Variants in THSD4 observed in about 807,000 individuals in gnomAD.
THSD4 encodes thrombospondin type-1 domain-containing protein 4.
Under a neutral mutation model 119.0 loss-of-function variants are expected in THSD4, and 69 were observed. That is an observed-to-expected ratio of 0.58 (90% CI 0.48 to 0.71). The LOEUF (loss-of-function observed/expected upper bound fraction) is 0.71, where lower values mean the gene tolerates loss of function less well. THSD4 is among the 30% of genes least tolerant of loss of function. THSD4 has a pLI of 0.00. For synonymous variants in THSD4, 524 were observed against 540.4 expected, an observed-to-expected ratio of 0.97 and a Z score of 0.42; for missense variants, 1,393 against 1,391.1, an observed-to-expected ratio of 1.00 and a Z score of -0.02.
intron 6 of THSD4, among the ~76,000 whole-genome samples, chr15:71,333,484 A>G (rs1040977228): frequency 6.6e-6 from 1 of 152,122 alleles, no homozygotes; most frequent in African/African-American, 2.4e-5. Flanking sequence ...AACATACTCT[A>G]ATTTGGCTGA....
At chr15:71,681,104 A>G (rs545179777) in intron 8 of THSD4, among the ~76,000 whole-genome samples, 1 of 151,778 alleles carries the variant, frequency 6.6e-6, no homozygotes, top group South Asian at 2.1e-4. Context: ...TTTAGTAGAG[A>G]CAGTGTCACC....
At chr15:71,139,605 T>C (rs1466097985) in intron 1 of THSD4, among the ~76,000 whole-genome samples, 1 of 152,228 alleles carries the variant, frequency 6.6e-6, no homozygotes, top group Non-Finnish European at 1.5e-5. Flanking sequence ...TAGGGATGAT[T>C]ACAGTTAAGA....
At chr15:71,745,001 T>G (rs957941448) in intron 11 of THSD4, 105 bp from the exon 12 acceptor site, 34 of 1,442,140 alleles carry the variant, frequency 2.4e-5, no homozygotes, top group Non-Finnish European at 3.1e-5. Context: ...CCTCACTGTT[T>G]CTGTGCCCTC....
intron 6 of THSD4, among the ~76,000 whole-genome samples, chr15:71,290,198 T>C (rs1212302072): frequency 6.6e-6 from 1 of 152,212 alleles, no homozygotes; most frequent in Non-Finnish European, 1.5e-5. Flanking sequence ...GTATGAGACA[T>C]GTCTGTAGCC....
chr15:71,199,488 G>GGTGTGTGTGGT (rs2043751219), intron 3 of THSD4, among the ~76,000 whole-genome samples: 2 of 62,628 alleles, frequency 3.2e-5, no homozygotes, highest in Admixed American at 4.5e-4. Flanking sequence ...GTGTGTGTGG[G>GGTGTGTGTGGT]GTGTGTGTGG....
chr15:71,631,458 C>G (rs1377040077), intron 7 of THSD4, among the ~76,000 whole-genome samples: 1 of 152,086 alleles, frequency 6.6e-6, no homozygotes, highest in Admixed American at 6.6e-5. Flanking sequence ...CTCTTTTTGT[C>G]GTCTTTAGTG....
intron 7 of THSD4, among the ~76,000 whole-genome samples, chr15:71,606,019 C>CA (rs1157721896): frequency 6.6e-6 from 1 of 152,106 alleles, no homozygotes; most frequent in Non-Finnish European, 1.5e-5. Context: ...TCACCTGGGC[C>CA]AAGTGTTCTG....
intron 7 of THSD4, among the ~76,000 whole-genome samples, chr15:71,465,261 A>C (rs2047483755): frequency 6.6e-6 from 1 of 152,136 alleles, no homozygotes; most frequent in Non-Finnish European, 1.5e-5. Flanking sequence ...AGTGTGATTG[A>C]CTCAGTCATT....
intron 7 of THSD4, among the ~76,000 whole-genome samples, chr15:71,659,834 A>G (rs1432959156): frequency 6.6e-6 from 1 of 152,194 alleles, no homozygotes; most frequent in Non-Finnish European, 1.5e-5. Context: ...GGGGGAGGGA[A>G]TTCAGGAAAG....
chr15:71,724,287 A>ATTTATTTT (rs2052788964), intron 8 of THSD4, among the ~76,000 whole-genome samples: 1 of 37,288 alleles, frequency 2.7e-5, no homozygotes. Context: ...ATATATATAT[A>ATTTATTTT]TTTTTTTTTT....
chr15:71,569,916 C>T (rs1319245164), intron 7 of THSD4, among the ~76,000 whole-genome samples: 2 of 152,148 alleles, frequency 1.3e-5, no homozygotes, highest in East Asian at 3.8e-4. Context: ...ATCACTTGAA[C>T]CCAGGAGGCA....
intron 6 of THSD4, among the ~76,000 whole-genome samples, chr15:71,285,347 GT>G (rs1333010379): frequency 6.6e-6 from 1 of 152,144 alleles, no homozygotes; most frequent in Admixed American, 6.5e-5. Flanking sequence ...AAAATGTGTT[GT>G]TTGGTGGTAT....
At chr15:71,630,633 T>C (rs1377551822) in intron 7 of THSD4, among the ~76,000 whole-genome samples, 1 of 152,154 alleles carries the variant, frequency 6.6e-6, no homozygotes, top group African/African-American at 2.4e-5. Flanking sequence ...CTGCATTGTT[T>C]CTGGAATGGT....
chr15:71,287,641 G>T (rs1261960984), intron 6 of THSD4, among the ~76,000 whole-genome samples: 1 of 152,186 alleles, frequency 6.6e-6, no homozygotes, highest in Non-Finnish European at 1.5e-5. Flanking sequence ...AGCCTTTTGT[G>T]AGGCAAATGT....
chr15:71,679,328 A>G (rs988883798), intron 8 of THSD4, among the ~76,000 whole-genome samples: 2 of 152,212 alleles, frequency 1.3e-5, no homozygotes, highest in Non-Finnish European at 2.9e-5. Context: ...TGGAAAGACC[A>G]TATAGTAAAT....
chr15:71,265,913 T>G (rs1046031774), intron 6 of THSD4, among the ~76,000 whole-genome samples: 1 of 152,196 alleles, frequency 6.6e-6, no homozygotes, highest in African/African-American at 2.4e-5. Flanking sequence ...TCTAGATTCC[T>G]CCTCACTGGG....
intron 1 of THSD4, among the ~76,000 whole-genome samples, chr15:71,097,242 T>C (rs1159691056): frequency 1.3e-5 from 2 of 152,146 alleles, no homozygotes; most frequent in Non-Finnish European, 2.9e-5. Context: ...CATTGCTAAA[T>C]AGCTTCAAAA....
chr15:71,773,281 T>A (rs1465518284), intron 17 of THSD4, among the ~76,000 whole-genome samples: 1 of 149,244 alleles, frequency 6.7e-6, no homozygotes, highest in East Asian at 2.0e-4. Context: ...TCAGGCCAGA[T>A]AATATAACTA....
At chr15:71,253,948 A>G (rs1201974847) in intron 5 of THSD4, among the ~76,000 whole-genome samples, 2 of 152,146 alleles carry the variant, frequency 1.3e-5, no homozygotes, top group African/African-American at 4.8e-5. Flanking sequence ...TCAAGTACTG[A>G]GCAATTCTAG....
Sources: gnomAD v4.1 joint callset for allele counts (sites outside exome capture counted in the v4.1 genomes callset) on GRCh38, gnomAD v4.1.1 for gene constraint, MANE v1.5 for transcripts, NCBI Gene and HGNC (gene_info 2026-07-23, HGNC 2026-07-21) for gene names.